Variants in LDHA observed in about 807,000 individuals in gnomAD.
LDHA encodes L-lactate dehydrogenase A chain.
Under a neutral mutation model 36.3 loss-of-function variants are expected in LDHA, and 10 were observed. The observed-to-expected ratio is 0.28, with a 90% CI of 0.17 to 0.47. The LOEUF (loss-of-function observed/expected upper bound fraction) is 0.47. Ranked by LOEUF, LDHA falls within the 20% of genes least tolerant of loss-of-function variation. The pLI is 0.99. For missense variants in LDHA, 267 were observed against 405.8 expected, an observed-to-expected ratio of 0.66 and a Z score of 2.94; for synonymous variants, 110 against 136.7, an observed-to-expected ratio of 0.80 and a Z score of 1.36.
intron 2 of LDHA, chr11:18,399,158 C>G: frequency 2.3e-6 from 1 of 434,938 alleles, no homozygotes; most frequent in Non-Finnish European, 4.3e-6. Context: ...AACTGCCAGT[C>G]CAGTGTTCTG....
At chr11:18,406,887 G>A (rs535171320) in intron 7 of LDHA, among the ~76,000 whole-genome samples, 1 of 151,224 alleles carries the variant, frequency 6.6e-6, no homozygotes, top group Admixed American at 6.6e-5. Context: ...GGTGGCGCAC[G>A]CCTGTAGTCC....
intron 2 of LDHA, among the ~76,000 whole-genome samples, chr11:18,397,593 C>T (rs191602457): frequency 2.1e-4 from 32 of 152,136 alleles, no homozygotes; most frequent in African/African-American, 7.2e-4. Flanking sequence ...GGGTGGATCA[C>T]GAGGTCAGGA....
At chr11:18,398,371 C>T (rs1023660023) in intron 2 of LDHA, among the ~76,000 whole-genome samples, 6 of 149,778 alleles carry the variant, frequency 4.0e-5, no homozygotes, top group African/African-American at 9.8e-5. Context: ...GAAAGATGGG[C>T]GGAAATCAGA....
rs1284933323 is a variant in LDHA, at chr11:18,407,101, TTCA to T, written c.835-14_835-12del. 6.3e-7 allele frequency: 1 copy of T among 1,597,570 alleles called. No individual in the cohort carries two copies. On this transcript the variant is annotated splice_polypyrimidine_tract_variant and intron_variant, in intron 7 of 7. Transcript: ENST00000422447. ...AGACAAAATGTGAGATTTTTTTTTTTTCATTTCATCTTCAGGGTCTTTACGGAA... is the reference window on the plus strand; with the variant it reads ...AGACAAAATGTGAGATTTTTTTTTTTTTTCATCTTCAGGGTCTTTACGGAA...
At chr11:18,396,160 C>G (rs1028507204) in intron 1 of LDHA, 2 of 186,638 alleles carry the variant, frequency 1.1e-5, no homozygotes, top group Non-Finnish European at 2.2e-5. Flanking sequence ...TGGCCCGATG[C>G]CCGCTTCCCA....
intron 3 of LDHA, 145 bp from the exon 4 acceptor site, chr11:18,400,692 A>G (rs1182780016): frequency 1.4e-6 from 1 of 701,350 alleles, no homozygotes; most frequent in Admixed American, 2.0e-5. Flanking sequence ...AGATGTTGAC[A>G]TGCTCTTCCT....
At chr11:18,405,763 CATAG>C in intron 7 of LDHA, 191 bp downstream of exon 7, 1 of 589,062 alleles carries the variant, frequency 1.7e-6, no homozygotes, top group South Asian at 1.9e-5. Flanking sequence ...CTGTTCAACA[CATAG>C]ATACTTGATA....
intron 4 of LDHA, among the ~76,000 whole-genome samples, chr11:18,401,216 C>G (rs1275925929): frequency 6.7e-6 from 1 of 150,346 alleles, no homozygotes; most frequent in Admixed American, 6.6e-5. Flanking sequence ...GTGGCGCAAT[C>G]TGGGCTCACT....
chr11:18,402,704 G>T, intron 4 of LDHA, 136 bp from the exon 5 acceptor site: 1 of 726,052 alleles, frequency 1.4e-6, no homozygotes, highest in Non-Finnish European at 2.5e-6. Flanking sequence ...ATCCTGAAAA[G>T]CCATATATCT....
rs1306638639 is a variant in LDHA at position 18,402,711 on chromosome 11, A to G, written c.419-129A>G. ...ATATCAAGATCCTGAAAAGCCATATATCTGGAGTAGCCTATTATTATCTAA... is the reference window on the plus strand; with the variant it reads ...ATATCAAGATCCTGAAAAGCCATATGTCTGGAGTAGCCTATTATTATCTAA... On this transcript the variant is annotated intron_variant, in intron 4 of 7. Coordinates refer to ENST00000422447, the MANE Select transcript of LDHA (RefSeq NM_005566.4). 5.3e-6 allele frequency: 4 copies of G among 756,786 alleles called. No individual in the cohort carries two copies. In the African/African-American group the frequency reaches 6.9e-5, roughly 13 times the overall value. 46.9% of individuals were successfully genotyped at this position (756,786 alleles called of 1,614,324 possible).
chr11:18,402,877 T>A lies in LDHA; in HGVS notation c.456T>A (p.Gly152=). 1 of 1,613,040 alleles carries A rather than the reference T, an allele frequency of 6.2e-7. No homozygotes were observed. The highest frequency in any genetic ancestry group is 8.5e-7 in the Non-Finnish European group (1 of 1,179,092). The change falls in exon 5 of 8, where the codon GGT becomes GGA. Residue 152 remains glycine, a synonymous_variant. Transcript: ENST00000422447. ...CCTACGTGGCTTGGAAGATAAGTGGTTTTCCCAAAAACCGTGTTATTGGAA... is the reference window on the plus strand; with the variant it reads ...CCTACGTGGCTTGGAAGATAAGTGGATTTCCCAAAAACCGTGTTATTGGAA... ...ILTYVAWKIS[G]FPKNRVIGSG...
chr11:18,407,323 A>G lies in LDHA; in HGVS notation c.*42A>G. 1 of 1,612,186 alleles carries G rather than the reference A, an allele frequency of 6.2e-7. No individual in the cohort carries two copies. Among genetic ancestry groups the G allele is most frequent in the East Asian group, 2.2e-5 (1 of 44,890 alleles). ...ATCATTTCACTGTCTAGGCTACAACAGGATTCTAGGTGGAGGTTGTGCATG... is the reference window on the plus strand; with the variant it reads ...ATCATTTCACTGTCTAGGCTACAACGGGATTCTAGGTGGAGGTTGTGCATG... On this transcript the variant is annotated 3_prime_UTR_variant, in exon 8 of 8. Coordinates refer to ENST00000422447, the MANE Select transcript of LDHA (RefSeq NM_005566.4).
Position 18,407,603 on chromosome 11 carries a change from T to C in LDHA, c.*322T>C, listed in dbSNP as rs200397839. On this transcript the variant is annotated 3_prime_UTR_variant, in exon 8 of 8. Transcript: ENST00000422447. Reference sequence around the variant, plus strand: ...AGGTGGATGTTTACCGTGTGTTATATAACTTCCTGGCTCCTTCACTGAACA... The same window carrying C: ...AGGTGGATGTTTACCGTGTGTTATACAACTTCCTGGCTCCTTCACTGAACA... 3.0e-6 allele frequency: 2 copies of C among 659,814 alleles called. No homozygotes were observed. The highest frequency in any genetic ancestry group is 5.6e-6 in the Non-Finnish European group (2 of 359,964). 40.9% of individuals were successfully genotyped at this position (659,814 alleles called of 1,614,324 possible).
At chr11:18,395,865 G>A (rs1366847566) in intron 1 of LDHA, among the ~76,000 whole-genome samples, 1 of 152,224 alleles carries the variant, frequency 6.6e-6, no homozygotes, top group Non-Finnish European at 1.5e-5. Flanking sequence ...TCTTCATACT[G>A]GGCCTGACAG....
chr11:18,394,773 G>T (rs1458965069), intron 1 of LDHA, 137 bp downstream of exon 1: 1 of 406,636 alleles, frequency 2.5e-6, no homozygotes, highest in Non-Finnish European at 5.0e-6. Flanking sequence ...CAGAAGCACA[G>T]CCCAGAGACG....
intron 1 of LDHA, chr11:18,394,874 G>C (rs887398125): frequency 8.5e-6 from 3 of 353,038 alleles, no homozygotes; most frequent in African/African-American, 6.4e-5. Flanking sequence ...GGCCACGCTG[G>C]GGAACCGAGG....
At chr11:18,403,159 G>A (rs1866563407) in intron 5 of LDHA, 146 bp downstream of exon 5, 1 of 691,152 alleles carries the variant, frequency 1.4e-6, no homozygotes, top group Non-Finnish European at 2.4e-6. Context: ...ATAATTATAT[G>A]TTAAGAATTG....
intron 3 of LDHA, chr11:18,399,870 C>T: frequency 3.1e-6 from 1 of 320,658 alleles, no homozygotes; most frequent in East Asian, 7.2e-5. Context: ...ACTGGGATTG[C>T]AGGTGTGAAC....
intron 1 of LDHA, among the ~76,000 whole-genome samples, chr11:18,395,645 C>G (rs1488622748): frequency 1.3e-5 from 2 of 152,192 alleles, no homozygotes; most frequent in East Asian, 1.9e-4. Flanking sequence ...CCTAGAGGTC[C>G]TCTCGGATTT....
Sources: allele counts gnomAD v4.1 joint callset (sites outside exome capture counted in the v4.1 genomes callset), GRCh38; gene constraint gnomAD v4.1.1; transcripts MANE v1.5; gene names NCBI Gene and HGNC (gene_info 2026-07-23, HGNC 2026-07-21).